The following TBCD variants were observed in gnomAD, a reference collection of about 807,000 sequenced individuals.
TBCD encodes tubulin folding cofactor D.
Under a neutral mutation model 169.3 loss-of-function variants are expected in TBCD, and 105 were observed. The ratio of observed to expected loss-of-function variants is 0.62; its 90% CI spans 0.53 to 0.73. The LOEUF (loss-of-function observed/expected upper bound fraction) is 0.73, where lower values mean the gene tolerates loss of function less well. TBCD is among the 30% of genes least tolerant of loss of function. The pLI is 0.00. For missense variants in TBCD, 1,444 were observed against 1,600.1 expected (o/e 0.90, Z 1.66); for synonymous variants, 700 against 643.9 (o/e 1.09, Z -1.32).
chr17:82,887,487 C>T (rs2058838293), intron 15 of TBCD, among the ~76,000 whole-genome samples: 1 of 152,154 alleles, frequency 6.6e-6, no homozygotes, highest in South Asian at 2.1e-4. Flanking sequence ...TGCTGGTTTG[C>T]TGCTTCTGTT....
chr17:82,781,790 A>T (rs2048964728), intron 7 of TBCD, 69 bp downstream of exon 7: 2 of 1,582,410 alleles, frequency 1.3e-6, no homozygotes, highest in Non-Finnish European at 8.6e-7. Flanking sequence ...CCACGGAATG[A>T]TGTTACCTGT....
intron 13 of TBCD, among the ~76,000 whole-genome samples, chr17:82,822,157 C>T (rs1300351561): frequency 6.6e-6 from 1 of 152,196 alleles, no homozygotes; most frequent in Non-Finnish European, 1.5e-5. Flanking sequence ...GACGAAAACT[C>T]TGCACGTACT....
intron 13 of TBCD, among the ~76,000 whole-genome samples, chr17:82,820,521 G>A (rs2052328145): frequency 6.6e-6 from 1 of 151,498 alleles, no homozygotes; most frequent in East Asian, 1.9e-4. Flanking sequence ...ATCAAACTCG[G>A]GTAGTTTTCA....
chr17:82,899,169 C>T (rs928992659), intron 17 of TBCD, among the ~76,000 whole-genome samples: 13 of 111,818 alleles, frequency 1.2e-4, no homozygotes, highest in Admixed American at 2.0e-4. Context: ...GTCCGCAGTG[C>T]GCGCGTCCTC....
At chr17:82,942,062 G>C in intron 38 of TBCD, 1 of 345,396 alleles carries the variant, frequency 2.9e-6, no homozygotes, top group South Asian at 4.0e-5. Context: ...TAGATACATG[G>C]GGGCAGTGGG....
chr17:82,821,778 G>A (rs939256379), intron 13 of TBCD, among the ~76,000 whole-genome samples: 1 of 152,160 alleles, frequency 6.6e-6, no homozygotes, highest in Admixed American at 6.5e-5. Context: ...GGAGGCTCAA[G>A]GTCCCTGTGA....
In TBCD at chr17:82,942,965, C is replaced by A; in HGVS notation, c.*502C>A. The A allele has an allele frequency of 5.6e-6, 1 of 179,500 alleles. No homozygotes were observed. Among genetic ancestry groups the A allele is most frequent in the Non-Finnish European group, 1.2e-5 (1 of 86,030 alleles). The allele number at this position is 179,500 out of a possible 1,614,324, so 11.1% of individuals were successfully genotyped here. ...CTGGTGGCAGGCATGGTCTGGAGTG[C>A]TGGGCAGATGCTGTTTCTGGGCCCG... On this transcript the variant is annotated 3_prime_UTR_variant, in exon 39 of 39. Transcript: ENST00000355528.
At chr17:82,836,210 G>T (rs939858639) in intron 13 of TBCD, among the ~76,000 whole-genome samples, 2 of 152,284 alleles carry the variant, frequency 1.3e-5, no homozygotes, top group South Asian at 2.1e-4. Context: ...GAAGCCGGGT[G>T]CCTGGTTCCA....
intron 32 of TBCD, 70 bp downstream of exon 32, chr17:82,929,570 G>T: frequency 6.3e-7 from 1 of 1,585,832 alleles, no homozygotes. Flanking sequence ...CTGTCTCTTG[G>T]GAGCATGTAT....
chr17:82,831,184 C>T lies in TBCD; in HGVS notation c.1318+16250C>T, dbSNP rs369281909. The T allele has an allele frequency of 2.5e-6, 4 of 1,614,034 alleles. No homozygotes were observed. In the African/African-American group the frequency reaches 4.0e-5, roughly 16 times the overall value. On this transcript the variant is annotated intron_variant, in intron 13 of 38. Transcript: ENST00000355528. This position sits in a 1 kb window ranked among gnomAD's most constrained non-coding sequence, Gnocchi z 4.6. ...GTCGTACAGGCCTTCGCAGGTCTGG[C>T]TCGTCTGCATGAAGTCGGTGGGGCT...
intron 13 of TBCD, among the ~76,000 whole-genome samples, chr17:82,856,772 G>A (rs556628438): frequency 7.0e-5 from 10 of 143,496 alleles, no homozygotes; most frequent in Middle Eastern, 3.8e-3. Flanking sequence ...GGGCGGGATC[G>A]CTGGACCGCG....
At chr17:82,821,032 T>G (rs1255591900) in intron 13 of TBCD, among the ~76,000 whole-genome samples, 2 of 152,184 alleles carry the variant, frequency 1.3e-5, no homozygotes, top group African/African-American at 4.8e-5. Flanking sequence ...CACGGCTTAC[T>G]GCAGCCTCAA....
rs73362947 is a variant in TBCD at position 82,766,003 on chromosome 17, T to C, written c.334-264T>C. Among the ~76,000 whole-genome samples, 492 of 152,268 alleles carry C rather than the reference T, an allele frequency of 3.2e-3. 2 individuals carry two copies. Among genetic ancestry groups the C allele is most frequent in the African/African-American group, 0.011 (449 of 41,548 alleles). On this transcript the variant is annotated intron_variant, in intron 3 of 38. Coordinates refer to ENST00000355528, the MANE Select transcript of TBCD (RefSeq NM_005993.5). ...TTTTAATTTTTTATGTTGCCCAGGCTAGTCTCCAACTCTTGGTCTCAAGCT... is the reference window on the plus strand; with the variant it reads ...TTTTAATTTTTTATGTTGCCCAGGCCAGTCTCCAACTCTTGGTCTCAAGCT...
At chr17:82,775,348 T>C (rs2144163401) in intron 6 of TBCD, among the ~76,000 whole-genome samples, 1 of 152,292 alleles carries the variant, frequency 6.6e-6, no homozygotes, top group Non-Finnish European at 1.5e-5. Flanking sequence ...GGAAGAGCTC[T>C]TACAGGTGCT....
Position 82,945,750 on chromosome 17 carries a change from GAAAA to G in TBCD, c.*3293_*3296del, listed in dbSNP as rs900269223. ...TCCCCCTACCCAGCTGTGACAAAAAGAAAAAAAAATGTCTCCAGACACTGCCAAA... is the reference window on the plus strand; with the variant it reads ...TCCCCCTACCCAGCTGTGACAAAAAGAAAAATGTCTCCAGACACTGCCAAA... On this transcript the variant is annotated 3_prime_UTR_variant, in exon 39 of 39. Coordinates refer to ENST00000355528, the MANE Select transcript of TBCD (RefSeq NM_005993.5). 76 of 151,172 alleles carry G rather than the reference GAAAA, an allele frequency of 5.0e-4. No individual in the cohort carries two copies. The highest frequency in any genetic ancestry group is 1.7e-3 in the African/African-American group (72 of 41,232). The allele number at this position is 151,172 out of a possible 1,614,324, so 9.4% of individuals were successfully genotyped here. A position where few individuals can be genotyped will look rare whatever the true frequency, so the allele number is the denominator to read the frequency against.
chr17:82,757,208 G>A (rs1022186721), intron 2 of TBCD, among the ~76,000 whole-genome samples: 3 of 152,108 alleles, frequency 2.0e-5, no homozygotes, highest in Non-Finnish European at 4.4e-5. Context: ...GGGTTTCCTC[G>A]CCCCCCGTGG....
At chr17:82,810,775 C>T (rs953037805) in intron 12 of TBCD, among the ~76,000 whole-genome samples, 2 of 152,226 alleles carry the variant, frequency 1.3e-5, no homozygotes, top group Admixed American at 1.3e-4. Flanking sequence ...GCCTGGACAC[C>T]GTGGCGAAAG....
intron 18 of TBCD, among the ~76,000 whole-genome samples, chr17:82,901,972 C>T (rs746058547): frequency 7.2e-5 from 11 of 152,094 alleles, no homozygotes; most frequent in African/African-American, 1.4e-4. Flanking sequence ...ATGCCCGTAG[C>T]GTCGGAGCTG....
intron 15 of TBCD, among the ~76,000 whole-genome samples, chr17:82,885,114 A>T (rs2058632691): frequency 6.6e-6 from 1 of 152,094 alleles, no homozygotes; most frequent in Non-Finnish European, 1.5e-5. Context: ...TGATACTGTC[A>T]GACTTGGGGG....
Sources: gnomAD v4.1 joint callset for allele counts (sites outside exome capture counted in the v4.1 genomes callset) on GRCh38, gnomAD v4.1.1 for gene constraint, Gnocchi (gnomAD v3.1) non-coding constraint, MANE v1.5 for transcripts, NCBI Gene and HGNC (gene_info 2026-07-23, HGNC 2026-07-21) for gene names.